Variants in GRB2 observed in about 807,000 individuals in gnomAD.
The protein encoded by GRB2 is growth factor receptor-bound protein 2.
In GRB2, 2 loss-of-function variants were observed where a neutral mutation model predicts 27.4. The ratio of observed to expected loss-of-function variants is 0.07; its 90% CI spans 0.03 to 0.23. GRB2 has a LOEUF of 0.23. Ranked by LOEUF, GRB2 falls within the 10% of genes least tolerant of loss-of-function variation. The pLI is 1.00. For missense variants in GRB2, 102 were observed against 282.4 expected (o/e 0.36, Z 4.58); for synonymous variants, 94 against 99.6 (o/e 0.94, Z 0.33).
chr17:75,345,108 A>G (rs1045052396), intron 2 of GRB2, among the ~76,000 whole-genome samples: 1 of 151,928 alleles, frequency 6.6e-6, no homozygotes, highest in Admixed American at 6.6e-5. Context: ...CAGTGGCGCA[A>G]TCTCGGCTCA....
chr17:75,321,096 C>T (rs1027017834), intron 5 of GRB2, among the ~76,000 whole-genome samples: 6 of 151,832 alleles, frequency 4.0e-5, no homozygotes, highest in Non-Finnish European at 5.9e-5. Context: ...AAGACCATCT[C>T]CCTAGAGAGG....
intron 4 of GRB2, among the ~76,000 whole-genome samples, chr17:75,323,313 T>C (rs755291644): frequency 2.6e-5 from 4 of 152,082 alleles, no homozygotes; most frequent in Non-Finnish European, 4.4e-5. Flanking sequence ...AATACTGCTT[T>C]ACATGTTAAG....
intron 2 of GRB2, among the ~76,000 whole-genome samples, chr17:75,351,419 C>T (rs948850269): frequency 6.6e-6 from 1 of 151,970 alleles, no homozygotes. Context: ...GAGGCTGAGG[C>T]GGAAGAATCA....
chr17:75,325,626 G>A lies in GRB2; in HGVS notation c.299+272C>T, dbSNP rs192346737. ...TCCCTTGGAGGGCAGAAGCTCAGGA[G>A]TGCTGGGCACTAGGGAAAACTGGCA... On this transcript the variant is annotated intron_variant, in intron 4 of 5. Transcript: ENST00000316804. Among the ~76,000 whole-genome samples the A allele has an allele frequency of 1.8e-4, 28 of 152,358 alleles. No individual in the cohort carries two copies. In the East Asian group the frequency reaches 5.2e-3, roughly 28 times the overall value.
In GRB2 at chr17:75,324,472, A is replaced by G. The variant is rs566898572; in HGVS notation, c.299+1426T>C. Among the ~76,000 whole-genome samples the G allele has an allele frequency of 2.2e-5, 3 of 137,270 alleles. No individual in the cohort carries two copies. In the East Asian group the frequency reaches 6.4e-4, roughly 29 times the overall value. 90.1% of individuals were successfully genotyped at this position (137,270 alleles called of 152,430 possible). ...TGATCTGCCTGCCTCGGCCTCCCAAAGTGCTGGGATTACAGGTGTGAGCCA... is the reference window on the plus strand; with the variant it reads ...TGATCTGCCTGCCTCGGCCTCCCAAGGTGCTGGGATTACAGGTGTGAGCCA... On this transcript the variant is annotated intron_variant, in intron 4 of 5. Coordinates refer to ENST00000316804, the MANE Select transcript of GRB2 (RefSeq NM_002086.5).
chr17:75,345,559 G>A (rs972669382), intron 2 of GRB2, among the ~76,000 whole-genome samples: 5 of 152,188 alleles, frequency 3.3e-5, no homozygotes, highest in East Asian at 1.9e-4. Context: ...CCAGGACACC[G>A]TTAATTTCCA....
At chr17:75,346,069 C>T (rs912514275) in intron 2 of GRB2, among the ~76,000 whole-genome samples, 4 of 151,222 alleles carry the variant, frequency 2.6e-5, no homozygotes, top group Admixed American at 1.3e-4. Flanking sequence ...TGGGGCAGTG[C>T]GGTAGAGAGG....
chr17:75,320,437 T>C lies in GRB2; in HGVS notation c.585A>G (p.Lys195=), dbSNP rs2078450893. 2.5e-6 allele frequency: 4 copies of C among 1,614,092 alleles called. No individual in the cohort carries two copies. The highest frequency in any genetic ancestry group is 1.3e-5 in the African/African-American group (1 of 74,946). ...VMDNSDPNWW[K]GACHGQTGMF... ...TGCCGGTCTGCCCGTGGCAAGCTCCTTTCCACCAGTTGGGGTCTGAGTTAT... is the reference window on the plus strand; with the variant it reads ...TGCCGGTCTGCCCGTGGCAAGCTCCCTTCCACCAGTTGGGGTCTGAGTTAT... Residue 195 remains lysine, a synonymous_variant, in exon 6 of 6, where the codon AAA becomes AAG. Transcript: ENST00000316804. The surrounding 1 kb of genome is among the most constrained non-coding windows in gnomAD (Gnocchi z 4.3).
At chr17:75,373,939 G>T (rs933838908) in intron 2 of GRB2, among the ~76,000 whole-genome samples, 3 of 149,974 alleles carry the variant, frequency 2.0e-5, no homozygotes, top group African/African-American at 7.4e-5. Context: ...GACTACAGGC[G>T]CCCGCCACCA....
At chr17:75,358,443 A>C (rs1404454511) in intron 2 of GRB2, among the ~76,000 whole-genome samples, 1 of 152,088 alleles carries the variant, frequency 6.6e-6, no homozygotes, top group East Asian at 1.9e-4. Flanking sequence ...TCCATTATTT[A>C]TCTGTGGCAT....
intron 1 of GRB2, among the ~76,000 whole-genome samples, chr17:75,398,991 G>A (rs543869458): frequency 3.9e-5 from 6 of 151,998 alleles, no homozygotes; most frequent in African/African-American, 7.2e-5. Context: ...CAGGTGATCC[G>A]CCCACTTTGC....
intron 2 of GRB2, among the ~76,000 whole-genome samples, chr17:75,343,849 G>T (rs1413332782): frequency 6.6e-6 from 1 of 152,174 alleles, no homozygotes; most frequent in Non-Finnish European, 1.5e-5. Flanking sequence ...GAGGAAGGGA[G>T]GGGGCAGGAA....
At chr17:75,331,029 C>A (rs926963117) in intron 3 of GRB2, among the ~76,000 whole-genome samples, 12 of 151,812 alleles carry the variant, frequency 7.9e-5, no homozygotes, top group African/African-American at 2.2e-4. Context: ...AACAAACAAA[C>A]AAAAAAACAG....
At chr17:75,397,854 T>TTTATTTAA (rs1459139292) in intron 1 of GRB2, among the ~76,000 whole-genome samples, 1 of 121,832 alleles carries the variant, frequency 8.2e-6, no homozygotes, top group Non-Finnish European at 1.9e-5. Context: ...TATTTATTTA[T>TTTATTTAA]TTTTTGAGAC....
intron 2 of GRB2, among the ~76,000 whole-genome samples, chr17:75,339,693 C>T (rs777354808): frequency 6.7e-6 from 1 of 149,914 alleles, no homozygotes; most frequent in Non-Finnish European, 1.5e-5. Flanking sequence ...ATGGCGCCAT[C>T]TCAGCTCACT....
At chr17:75,363,669 C>T (rs1382673166) in intron 2 of GRB2, among the ~76,000 whole-genome samples, 2 of 151,466 alleles carry the variant, frequency 1.3e-5, no homozygotes, top group African/African-American at 4.9e-5. Flanking sequence ...ACCATCCTGG[C>T]CAACATGGCG....
chr17:75,321,616 T>C (rs2078460579), intron 5 of GRB2, 43 bp downstream of exon 5: 1 of 1,588,932 alleles, frequency 6.3e-7, no homozygotes. Flanking sequence ...TGAGGAGCTA[T>C]TCTTAACTAA....
chr17:75,391,061 A>AG (rs57141881), intron 2 of GRB2, among the ~76,000 whole-genome samples: 1 of 152,352 alleles, frequency 6.6e-6, no homozygotes, highest in African/African-American at 2.4e-5. Context: ...ACAGCTTTTA[A>AG]GAAAGCATGT....
chr17:75,357,992 G>T (rs547505441), intron 2 of GRB2, among the ~76,000 whole-genome samples: 1 of 152,328 alleles, frequency 6.6e-6, no homozygotes, highest in Admixed American at 6.5e-5. Flanking sequence ...CAGCTACTCA[G>T]GAGGCTGAGG....
Sources: gnomAD v4.1 joint callset for allele counts (sites outside exome capture counted in the v4.1 genomes callset) on GRCh38, gnomAD v4.1.1 for gene constraint, Gnocchi (gnomAD v3.1) non-coding constraint, MANE v1.5 for transcripts, NCBI Gene and HGNC (gene_info 2026-07-23, HGNC 2026-07-21) for gene names.